SEMA3A: variants seen among roughly 807,000 people sequenced by gnomAD.
SEMA3A encodes semaphorin-3A.
Under a neutral mutation model 97.9 loss-of-function variants are expected in SEMA3A, and 29 were observed. The observed-to-expected ratio is 0.30, with a 90% CI of 0.22 to 0.40. SEMA3A has a LOEUF of 0.40. SEMA3A is among the 10% of genes least tolerant of loss of function. SEMA3A has a pLI of 1.00. For missense variants in SEMA3A, 763 were observed against 951.3 expected, an observed-to-expected ratio of 0.80 and a Z score of 2.60; for synonymous variants, 321 against 323.7, an observed-to-expected ratio of 0.99 and a Z score of 0.09.
In SEMA3A at chr7:84,176,204, A is replaced by C. The variant is rs549579268; in HGVS notation, c.112+18271T>G. Among the ~76,000 whole-genome samples, 10 of 152,286 alleles carry C rather than the reference A, an allele frequency of 6.6e-5. No homozygotes were observed. The South Asian group carries it at 2.1e-3, about 32-fold the overall frequency. ...ACAGAAATCATGGTACAAAATATAC[A>C]TTACGAGGCTATTCTGTGGTATGCT... On this transcript the variant is annotated intron_variant, in intron 1 of 16. Transcript: ENST00000265362.
intron 2 of SEMA3A, among the ~76,000 whole-genome samples, chr7:84,316,038 T>A (rs1355574445): frequency 2.1e-5 from 3 of 145,738 alleles, no homozygotes; most frequent in African/African-American, 7.6e-5. Context: ...ACATCTGTAG[T>A]CCCAGCTACT....
At chr7:84,364,170 A>G (rs1802788646) in intron 2 of SEMA3A, among the ~76,000 whole-genome samples, 1 of 151,686 alleles carries the variant, frequency 6.6e-6, no homozygotes, top group South Asian at 2.1e-4. Flanking sequence ...CCAGTACAGT[A>G]AATACTGATA....
intron 3 of SEMA3A, among the ~76,000 whole-genome samples, chr7:84,303,668 T>G (rs1801081822): frequency 6.6e-6 from 1 of 152,114 alleles, no homozygotes; most frequent in Admixed American, 6.6e-5. Flanking sequence ...CAACAGAAAC[T>G]GTACTTGGAA....
rs541370061 is a variant in SEMA3A at position 84,164,088 on chromosome 7, G to A, written c.113-29137C>T. Among the ~76,000 whole-genome samples the A allele has an allele frequency of 4.8e-4, 73 of 152,008 alleles. 2 individuals carry two copies. The South Asian group carries it at 0.014, about 28-fold the overall frequency. On this transcript the variant is annotated intron_variant, in intron 1 of 16. Coordinates refer to ENST00000265362, the MANE Select transcript of SEMA3A (RefSeq NM_006080.3). ...TCGAACTCCCGACCTCAGGTGATCC[G>A]CCCACCTTGGCCTCTGAAAGTTCTG...
In SEMA3A at chr7:84,200,916, G is replaced by GA. The variant is rs1396760623; in HGVS notation, c.-82-6249dup. Among the ~76,000 whole-genome samples the GA allele has an allele frequency of 1.3e-3, 193 of 151,574 alleles. 2 individuals carry two copies. Among genetic ancestry groups the GA allele is most frequent in the African/African-American group, 4.4e-3 (183 of 41,396 alleles). ...TCAGTACAGGCTAGGCAGTGAGGAGGAAAAAATGAGGCATCTGTGGAATAC... is the reference window on the plus strand; with the variant it reads ...TCAGTACAGGCTAGGCAGTGAGGAGGAAAAAAATGAGGCATCTGTGGAATAC... On this transcript the variant is annotated intron_variant, in intron 3 of 3. Transcript: ENST00000424555.
chr7:84,381,373 C>T (rs1437437519), intron 1 of SEMA3A, among the ~76,000 whole-genome samples: 1 of 152,092 alleles, frequency 6.6e-6, no homozygotes, highest in Non-Finnish European at 1.5e-5. Flanking sequence ...TATAATAATA[C>T]ACATTGACCT....
chr7:84,192,759 C>T (rs1798089290), intron 1 of SEMA3A, among the ~76,000 whole-genome samples: 2 of 151,752 alleles, frequency 1.3e-5, no homozygotes, highest in Non-Finnish European at 2.9e-5. Context: ...ATGAATTTAG[C>T]ACTTAGATAT....
At position 84,060,049 on chromosome 7, in the gene SEMA3A, C is replaced by T. The variant is rs1215438792; in HGVS notation, c.547+416G>A. ...GATGGTTACAGAAAAAGGTAGAGGA[C>T]GTCACATCAAATATTTTGTTAGATT... On this transcript the variant is annotated intron_variant, in intron 5 of 16. Coordinates refer to ENST00000265362, the MANE Select transcript of SEMA3A (RefSeq NM_006080.3). Among the ~76,000 whole-genome samples the T allele has an allele frequency of 3.9e-5, 6 of 152,040 alleles. No individual in the cohort carries two copies. The South Asian group carries it at 8.3e-4, about 21-fold the overall frequency.
intron 1 of SEMA3A, among the ~76,000 whole-genome samples, chr7:84,485,378 T>A (rs1584357552): frequency 1.3e-5 from 1 of 77,844 alleles, no homozygotes; most frequent in African/African-American, 5.1e-5. Context: ...ATTTTATGTA[T>A]TTTTTTTTTT....
At chr7:84,386,811 C>T (rs1803408794) in intron 1 of SEMA3A, among the ~76,000 whole-genome samples, 1 of 151,940 alleles carries the variant, frequency 6.6e-6, no homozygotes, top group South Asian at 2.1e-4. Flanking sequence ...ATCAGCCTGG[C>T]CAACATGGCG....
intron 10 of SEMA3A, among the ~76,000 whole-genome samples, chr7:84,006,242 T>C (rs184988832): frequency 5.0e-4 from 76 of 152,242 alleles, no homozygotes; most frequent in African/African-American, 1.7e-3. Context: ...ATACATTTAA[T>C]TTTTTACTAT....
chr7:84,424,008 A>T (rs1205554767), intron 1 of SEMA3A, among the ~76,000 whole-genome samples: 1 of 151,898 alleles, frequency 6.6e-6, no homozygotes, highest in East Asian at 1.9e-4. Context: ...GTTGGCATGA[A>T]TGTGGTGAAA....
Position 84,313,377 on chromosome 7 carries a change from T to C in SEMA3A, c.-168-6085A>G. Among the ~76,000 whole-genome samples the C allele has an allele frequency of 3.7e-5, 3 of 80,176 alleles. 1 individual carries two copies. The highest frequency in any genetic ancestry group is 1.2e-4 in the African/African-American group (3 of 25,158). 52.6% of individuals were successfully genotyped at this position (80,176 alleles called of 152,430 possible). On this transcript the variant is annotated intron_variant, in intron 2 of 3. Coordinates refer to the SEMA3A transcript ENST00000424555. ...GTGTGTATATATATATATATATATA[T>C]ATATATATATATATATATATATATA... is the stretch of plus-strand genomic sequence containing the variant.
chr7:84,433,234 A>AC (rs1428714535), intron 1 of SEMA3A, among the ~76,000 whole-genome samples: 39 of 73,742 alleles, frequency 5.3e-4, no homozygotes, highest in Non-Finnish European at 8.6e-4. Flanking sequence ...CTAGCCTCCC[A>AC]CCCCCCGACA....
chr7:84,193,458 C>T (rs1018220289), intron 1 of SEMA3A, among the ~76,000 whole-genome samples: 2 of 151,944 alleles, frequency 1.3e-5, no homozygotes, highest in African/African-American at 4.8e-5. Context: ...GCTCCACCCC[C>T]AATTTTAGAA....
upstream of SEMA3A, among the ~76,000 whole-genome samples, chr7:84,199,319 A>G (rs775818267): frequency 5.5e-4 from 83 of 152,222 alleles, 1 homozygote; most frequent in Non-Finnish European, 8.5e-4. Context: ...CACCTTCCAT[A>G]CCCATTTCAT....
At chr7:84,240,866 T>C (rs1252465823) in intron 3 of SEMA3A, among the ~76,000 whole-genome samples, 1 of 152,244 alleles carries the variant, frequency 6.6e-6, no homozygotes, top group African/African-American at 2.4e-5. Context: ...TTTGGTTTTC[T>C]GTTCCTGTGT....
intron 16 of SEMA3A, among the ~76,000 whole-genome samples, chr7:83,962,374 T>G (rs1788508829): frequency 6.6e-6 from 1 of 152,172 alleles, no homozygotes; most frequent in Non-Finnish European, 1.5e-5. Context: ...ACCTCACTTT[T>G]ATTTTGAATA....
intron 1 of SEMA3A, among the ~76,000 whole-genome samples, chr7:84,381,354 C>G (rs1224808881): frequency 2.0e-5 from 3 of 152,148 alleles, no homozygotes; most frequent in African/African-American, 4.8e-5. Context: ...GAAATTCCAA[C>G]CTCATCCATA....
Sources: allele counts gnomAD v4.1 joint callset (sites outside exome capture counted in the v4.1 genomes callset), GRCh38; gene constraint gnomAD v4.1.1; transcripts MANE v1.5; gene names NCBI Gene and HGNC (gene_info 2026-07-23, HGNC 2026-07-21).